The following MGAT4D variants were observed in gnomAD, a reference collection of about 807,000 sequenced individuals.
MGAT4D encodes MGAT4 family member D.
A neutral mutation model predicts 15.9 loss-of-function variants in MGAT4D; 34 were observed. That is an observed-to-expected ratio of 2.14 (90% CI 1.62 to 2.84). The LOEUF (loss-of-function observed/expected upper bound fraction) is 2.84, where lower values mean the gene tolerates loss of function less well. Ranked by LOEUF, MGAT4D falls within the 30% of genes most tolerant of loss-of-function variation. MGAT4D has a pLI of 0.00. For synonymous variants in MGAT4D, 112 were observed against 48.2 expected, an observed-to-expected ratio of 2.33 and a Z score of -5.49; for missense variants, 327 against 140.2, an observed-to-expected ratio of 2.33 and a Z score of -6.73.
chr4:140,473,164 T>A (rs1732085234), intron 4 of MGAT4D, among the ~76,000 whole-genome samples: 1 of 152,122 alleles, frequency 6.6e-6, no homozygotes, highest in Non-Finnish European at 1.5e-5. Flanking sequence ...TTTTCCTTCT[T>A]TCCTTCATTC....
intron 1 of MGAT4D, among the ~76,000 whole-genome samples, chr4:140,484,602 G>C (rs1732972183): frequency 6.6e-6 from 1 of 152,184 alleles, no homozygotes; most frequent in Admixed American, 6.5e-5. Flanking sequence ...ACTACCATCA[G>C]AGCGAACAGG....
intron 5 of MGAT4D, among the ~76,000 whole-genome samples, chr4:140,468,053 CTATTAAAT>C (rs5862475): frequency 0.17 from 26,062 of 151,126 alleles, 2,313 homozygotes; most frequent in South Asian, 0.23. Flanking sequence ...TTAATATTCA[CTATTAAAT>C]TATTCTATTA....
At chr4:140,487,942 A>G (rs1476135271) in intron 1 of MGAT4D, among the ~76,000 whole-genome samples, 2 of 152,210 alleles carry the variant, frequency 1.3e-5, no homozygotes, top group African/African-American at 2.4e-5. Flanking sequence ...CTTCAGATGC[A>G]GACAATCAGA....
At chr4:140,471,222 TTTTG>T (rs1280929230) in intron 5 of MGAT4D, among the ~76,000 whole-genome samples, 2 of 144,852 alleles carry the variant, frequency 1.4e-5, no homozygotes, top group Non-Finnish European at 3.1e-5. Context: ...CCTTTCTCCT[TTTTG>T]TTTCCTTCCT....
intron 8 of MGAT4D, chr4:140,457,164 C>T (rs1730866979): frequency 6.6e-6 from 1 of 151,860 alleles, no homozygotes; most frequent in Non-Finnish European, 1.5e-5. Context: ...AGTATTTGAG[C>T]ATTATTTTAA....
intron 6 of MGAT4D, among the ~76,000 whole-genome samples, chr4:140,463,067 G>A (rs1229561935): frequency 6.6e-6 from 1 of 152,152 alleles, no homozygotes; most frequent in Admixed American, 6.5e-5. Context: ...TGAGGAACCT[G>A]AAAATCCAGA....
At chr4:140,447,597 G>T (rs1182542537) in intron 10 of MGAT4D, among the ~76,000 whole-genome samples, 1 of 152,028 alleles carries the variant, frequency 6.6e-6, no homozygotes, top group Non-Finnish European at 1.5e-5. Context: ...AAGAGTCACT[G>T]TATGTGAGAT....
intron 1 of MGAT4D, among the ~76,000 whole-genome samples, chr4:140,489,389 G>A (rs762693338): frequency 9.9e-5 from 15 of 151,988 alleles, no homozygotes; most frequent in African/African-American, 3.1e-4. Context: ...ATTACAAAGC[G>A]TATATAAGAC....
intron 8 of MGAT4D, chr4:140,458,555 G>A (rs2126711998): frequency 6.6e-6 from 1 of 152,288 alleles, no homozygotes; most frequent in Non-Finnish European, 1.5e-5. Context: ...ATCTCTATGT[G>A]CAAAACAGGT....
intron 1 of MGAT4D, among the ~76,000 whole-genome samples, chr4:140,483,520 C>A (rs1353565061): frequency 6.6e-6 from 1 of 151,982 alleles, no homozygotes; most frequent in Non-Finnish European, 1.5e-5. Context: ...ACAACCCCTG[C>A]AATTCATATG....
At chr4:140,481,490 T>A (rs1732727421) in intron 2 of MGAT4D, among the ~76,000 whole-genome samples, 1 of 152,202 alleles carries the variant, frequency 6.6e-6, no homozygotes, top group Admixed American at 6.5e-5. Flanking sequence ...CTTCTCTTCA[T>A]ACCAAACACA....
intron 7 of MGAT4D, among the ~76,000 whole-genome samples, chr4:140,460,093 A>G (rs894261031): frequency 6.6e-6 from 1 of 152,116 alleles, no homozygotes; most frequent in Non-Finnish European, 1.5e-5. Context: ...TCTGAGATTA[A>G]CCAGACAAGA....
intron 1 of MGAT4D, among the ~76,000 whole-genome samples, chr4:140,497,372 G>T (rs1309359272): frequency 6.6e-6 from 1 of 152,148 alleles, no homozygotes; most frequent in Non-Finnish European, 1.5e-5. Flanking sequence ...GGTTAAATTT[G>T]AAATTAAAAT....
intron 5 of MGAT4D, among the ~76,000 whole-genome samples, chr4:140,466,732 G>A (rs527864729): frequency 1.1e-4 from 16 of 152,070 alleles, no homozygotes; most frequent in Admixed American, 9.2e-4. Flanking sequence ...TGGCTTGCAC[G>A]GTTTCAACTT....
intron 10 of MGAT4D, chr4:140,449,836 A>T (rs1578635032): frequency 1.2e-5 from 2 of 169,224 alleles, no homozygotes; most frequent in East Asian, 1.6e-4. Flanking sequence ...AAAGTTTTTT[A>T]AAAAGACTTA....
chr4:140,476,938 A>G (rs1428464661), intron 3 of MGAT4D, among the ~76,000 whole-genome samples: 1 of 152,136 alleles, frequency 6.6e-6, no homozygotes, highest in East Asian at 1.9e-4. Flanking sequence ...ATGTGTGCTT[A>G]TATTATAAAT....
intron 10 of MGAT4D, among the ~76,000 whole-genome samples, chr4:140,448,317 C>T (rs1730261517): frequency 6.6e-6 from 1 of 152,038 alleles, no homozygotes; most frequent in South Asian, 2.1e-4. Flanking sequence ...TGGCTTTCTC[C>T]CTGTCTTATT....
intron 1 of MGAT4D, among the ~76,000 whole-genome samples, chr4:140,496,379 T>C (rs1228372589): frequency 1.3e-5 from 2 of 152,226 alleles, no homozygotes; most frequent in Non-Finnish European, 2.9e-5. Flanking sequence ...GCTTCTGAAC[T>C]TGAACATATG....
At chr4:140,466,322 T>C (rs923680368) in intron 5 of MGAT4D, among the ~76,000 whole-genome samples, 5 of 152,168 alleles carry the variant, frequency 3.3e-5, no homozygotes, top group Admixed American at 2.0e-4. Context: ...GGTGAAATTA[T>C]GTCACATAGG....
Sources: gnomAD v4.1 joint callset for allele counts (sites outside exome capture counted in the v4.1 genomes callset) on GRCh38, gnomAD v4.1.1 for gene constraint, MANE v1.5 for transcripts, NCBI Gene and HGNC (gene_info 2026-07-23, HGNC 2026-07-21) for gene names.